Variants in POU6F2 observed in about 807,000 individuals in gnomAD.
POU6F2 encodes the protein POU domain, class 6, transcription factor 2.
A neutral mutation model predicts 71.3 loss-of-function variants in POU6F2; 31 were observed. The ratio of observed to expected loss-of-function variants is 0.43; its 90% CI spans 0.33 to 0.59. The LOEUF is 0.59. Ranked by LOEUF, POU6F2 falls within the 20% of genes least tolerant of loss-of-function variation. The pLI, the probability that POU6F2 is intolerant of heterozygous loss-of-function variation, is 0.04. For missense variants in POU6F2, 783 were observed against 856.8 expected (o/e 0.91, Z 1.07); for synonymous variants, 347 against 355.7 (o/e 0.98, Z 0.27).
intron 6 of POU6F2, among the ~76,000 whole-genome samples, chr7:39,427,078 T>C (rs1787989556): frequency 1.3e-5 from 2 of 152,266 alleles, no homozygotes; most frequent in Admixed American, 1.3e-4. Flanking sequence ...AAAGAGCTTT[T>C]GCAATTTAGT....
chr7:39,098,849 G>A (rs1282636894), intron 2 of POU6F2, among the ~76,000 whole-genome samples: 1 of 152,172 alleles, frequency 6.6e-6, no homozygotes, highest in Non-Finnish European at 1.5e-5. Context: ...AAATGTACTT[G>A]CTATGTTTAG....
chr7:39,167,222 G>T (rs1175659086), intron 2 of POU6F2, among the ~76,000 whole-genome samples: 1 of 151,650 alleles, frequency 6.6e-6, no homozygotes, highest in Admixed American at 6.6e-5. Flanking sequence ...ATTTTATTTG[G>T]CTAAAAAACA....
At chr7:39,403,645 C>G in intron 5 of POU6F2, among the ~76,000 whole-genome samples, 1 of 152,214 alleles carries the variant, frequency 6.6e-6, no homozygotes, top group East Asian at 1.9e-4. Flanking sequence ...CAAGAAATAT[C>G]GATAGGAGCA....
chr7:39,110,881 GCAATC>G, intron 2 of POU6F2, among the ~76,000 whole-genome samples: 1 of 152,088 alleles, frequency 6.6e-6, no homozygotes, highest in East Asian at 1.9e-4. Flanking sequence ...AAATCAGATA[GCAATC>G]CAACATTTAT....
At chr7:39,280,277 A>C (rs1784538424) in intron 4 of POU6F2, among the ~76,000 whole-genome samples, 1 of 152,214 alleles carries the variant, frequency 6.6e-6, no homozygotes, top group Non-Finnish European at 1.5e-5. Context: ...AGGTGTGTGC[A>C]GATGGCTTGC....
intron 1 of POU6F2, among the ~76,000 whole-genome samples, chr7:39,078,815 G>A (rs1534416): frequency 0.32 from 48,465 of 152,044 alleles, 7,935 homozygotes; most frequent in South Asian, 0.45. Flanking sequence ...CTCCTCTGCT[G>A]TGAGCCATTG....
chr7:39,257,294 C>CA (rs754453780), intron 4 of POU6F2, among the ~76,000 whole-genome samples: 30 of 152,156 alleles, frequency 2.0e-4, no homozygotes, highest in Non-Finnish European at 3.7e-4. Context: ...TTAGGAGTAA[C>CA]AACTTCTGAA....
At chr7:39,079,790 C>A (rs1791077827) in intron 1 of POU6F2, among the ~76,000 whole-genome samples, 1 of 152,008 alleles carries the variant, frequency 6.6e-6, no homozygotes, top group Non-Finnish European at 1.5e-5. Context: ...GAAGTGCATG[C>A]TGGGATCAAT....
At chr7:39,329,152 A>G (rs961643339) in intron 4 of POU6F2, 1 of 151,536 alleles carries the variant, frequency 6.6e-6, no homozygotes, top group South Asian at 2.1e-4. Context: ...TGTCTTTAAT[A>G]TGGCTTGGTG....
intron 1 of POU6F2, chr7:39,006,833 C>G (rs1470717186): frequency 1.2e-5 from 19 of 1,613,240 alleles, no homozygotes; most frequent in Non-Finnish European, 1.6e-5. Context: ...TTATAATGAT[C>G]CAAGAGGAAG....
intron 4 of POU6F2, among the ~76,000 whole-genome samples, chr7:39,256,399 C>A (rs1242189948): frequency 6.6e-6 from 1 of 152,014 alleles, no homozygotes. Context: ...AGGGACAGTA[C>A]TAATTCTTTA....
chr7:39,439,616 A>C (rs895513766), intron 7 of POU6F2, among the ~76,000 whole-genome samples: 2 of 152,056 alleles, frequency 1.3e-5, no homozygotes, highest in African/African-American at 4.8e-5. Context: ...CAGCCTCCCG[A>C]GTAGCTGGGA....
At chr7:39,172,560 G>A (rs1169443116) in intron 2 of POU6F2, among the ~76,000 whole-genome samples, 6 of 116,422 alleles carry the variant, frequency 5.2e-5, no homozygotes, top group Middle Eastern at 0.011. Context: ...CCACCTTCAT[G>A]TTTTAGAAAA....
intron 2 of POU6F2, among the ~76,000 whole-genome samples, chr7:39,093,945 G>A (rs1048275881): frequency 1.3e-5 from 2 of 151,994 alleles, no homozygotes; most frequent in South Asian, 4.1e-4. Flanking sequence ...TGAATCTGTA[G>A]TATGTATGTA....
chr7:39,151,877 GGTAACCCTTTTGAATGACA>G (rs1311251887), intron 2 of POU6F2, among the ~76,000 whole-genome samples: 4 of 152,072 alleles, frequency 2.6e-5, no homozygotes, highest in Non-Finnish European at 5.9e-5. Flanking sequence ...GGGGACCGCT[GGTAACCCTTTTGAATGACA>G]GTAACAAAAT....
At position 39,351,018 on chromosome 7, in the gene POU6F2, T is replaced by C. The variant is rs141245556; in HGVS notation, c.972+11003T>C. 3.3e-5 allele frequency among the ~76,000 whole-genome samples: 5 copies of C among 152,368 alleles called. No individual in the cohort carries two copies. The East Asian group carries it at 9.6e-4, about 29-fold the overall frequency. On this transcript the variant is annotated intron_variant, in intron 5 of 9. Coordinates refer to ENST00000518318, the MANE Select transcript of POU6F2 (RefSeq NM_001370959.1). ...TGCTTGTTTGTTTGTTGTTTGAAGATACCAATGCCCTGGGGCCCACCCAAG... is the reference window on the plus strand; with the variant it reads ...TGCTTGTTTGTTTGTTGTTTGAAGACACCAATGCCCTGGGGCCCACCCAAG...
intron 5 of POU6F2, among the ~76,000 whole-genome samples, chr7:39,357,657 A>AT (rs1424972655): frequency 6.6e-6 from 1 of 152,228 alleles, no homozygotes; most frequent in Non-Finnish European, 1.5e-5. Flanking sequence ...CTGCCACCTG[A>AT]TTTCACTTGG....
chr7:39,210,741 G>A (rs944497913), intron 4 of POU6F2, among the ~76,000 whole-genome samples: 9 of 152,066 alleles, frequency 5.9e-5, no homozygotes, highest in East Asian at 1.9e-4. Context: ...GGCTCTACCC[G>A]AGATACCCAA....
intron 7 of POU6F2, among the ~76,000 whole-genome samples, chr7:39,445,339 C>T (rs2116090111): frequency 6.6e-6 from 1 of 152,234 alleles, no homozygotes; most frequent in East Asian, 1.9e-4. Context: ...ATGGGTGGTC[C>T]CAATGCAGAG....
Sources: gnomAD v4.1 joint callset for allele counts (sites outside exome capture counted in the v4.1 genomes callset) on GRCh38, gnomAD v4.1.1 for gene constraint, MANE v1.5 for transcripts, NCBI Gene and HGNC (gene_info 2026-07-23, HGNC 2026-07-21) for gene names.